The following PDZD11 variants were observed in gnomAD, a reference collection of about 807,000 sequenced individuals.
PDZD11 encodes PDZ domain containing 11, also known as PDZ domain-containing protein 11.
A neutral mutation model predicts 13.7 loss-of-function variants in PDZD11; 2 were observed. The observed-to-expected ratio is 0.15, with a 90% CI of 0.06 to 0.46. PDZD11 has a LOEUF of 0.46. Among genes scored for constraint, PDZD11 ranks in the 20% least tolerant of loss-of-function variants. PDZD11 has a pLI of 0.98. For synonymous variants in PDZD11, 32 were observed against 37.5 expected (o/e 0.85, Z 0.54); for missense variants, 44 against 111.7 (o/e 0.39, Z 2.73).
intron 2 of PDZD11, among the ~76,000 whole-genome samples, chrX:70,289,032 A>G (rs1483144225): frequency 1.8e-5 from 2 of 111,455 alleles, no homozygotes. Flanking sequence ...GAAGGCTCCA[A>G]ATTTCCAGAA....
chrX:70,289,535 T>C, intron 1 of PDZD11, 181 bp from the exon 2 acceptor site: 2 of 733,539 alleles, frequency 2.7e-6, no homozygotes, highest in Non-Finnish European at 3.8e-6. Context: ...GCTAAACATC[T>C]TCTGGATGCC....
rs1986380868 is a variant in PDZD11 at position 70,289,345 on chromosome X, G to A, written c.-4C>T. On this transcript the variant is annotated 5_prime_UTR_variant, in exon 2 of 7. Coordinates refer to ENST00000239666, the MANE Select transcript of PDZD11 (RefSeq NM_016484.5). ...CATAAGGAATCCGGCTGTCCATCTC[G>A]GGCAAGGCCCTGGAAGAGTGAATCA... 12 of 1,204,670 alleles carry A rather than the reference G, an allele frequency of 1.0e-5. No homozygotes were observed. Among genetic ancestry groups the A allele is most frequent in the Non-Finnish European group, 1.3e-5 (12 of 892,145 alleles).
intron 5 of PDZD11, 120 bp downstream of exon 5, chrX:70,287,612 C>T: frequency 7.1e-6 from 4 of 563,981 alleles, no homozygotes; most frequent in East Asian, 3.3e-5. Context: ...GGATTACAGG[C>T]GTGTACCACA....
rs746369798 is a variant in PDZD11, at chrX:70,289,421, C to G, written c.-13-67G>C. On this transcript the variant is annotated intron_variant, in intron 1 of 6. Coordinates refer to ENST00000239666, the MANE Select transcript of PDZD11 (RefSeq NM_016484.5). The stretch of plus-strand genomic sequence containing the variant: ...GGAGAGCAGCCCAGCAAGTTTCAGA[C>G]AGCAGCTCCAACCCATTCCAAGGCA... The G allele has an allele frequency of 3.6e-5, 42 of 1,165,666 alleles. 2 individuals are homozygous for G. Among genetic ancestry groups the G allele is most frequent in the Non-Finnish European group, 3.3e-5 (29 of 872,170 alleles).
intron 6 of PDZD11, 76 bp downstream of exon 6, chrX:70,287,200 G>A: frequency 8.8e-7 from 1 of 1,141,307 alleles, no homozygotes; most frequent in East Asian, 3.0e-5. Flanking sequence ...AACTTGTAGG[G>A]CCTCTAGTCA....
At position 70,287,723 on chromosome X, in the gene PDZD11, T is replaced by G; in HGVS notation, c.327+9A>C. Reference sequence around the variant, plus strand: ...TCTTGCAGCACCACAGCCCAAGTACTGTGCTCACCTTGCTGTGCTCAATAT... The same window carrying G: ...TCTTGCAGCACCACAGCCCAAGTACGGTGCTCACCTTGCTGTGCTCAATAT... On this transcript the variant is annotated intron_variant, in intron 5 of 6. Transcript: ENST00000239666. 2.5e-6 allele frequency: 3 copies of G among 1,186,268 alleles called. No individual in the cohort carries two copies. The highest frequency in any genetic ancestry group is 3.4e-6 in the Non-Finnish European group (3 of 872,314).
intron 2 of PDZD11, among the ~76,000 whole-genome samples, chrX:70,288,816 C>T (rs1421547223): frequency 2.7e-5 from 3 of 109,829 alleles, no homozygotes; most frequent in Admixed American, 9.7e-5. Flanking sequence ...GCAATTCTCC[C>T]GCCTCAGCCT....
chrX:70,287,955 G>T, intron 4 of PDZD11, 125 bp from the exon 5 acceptor site: 4 of 713,831 alleles, frequency 5.6e-6, no homozygotes, highest in Non-Finnish European at 8.7e-6. Context: ...CAGACAGATG[G>T]CCTGCCAAAT....
intron 3 of PDZD11, 110 bp downstream of exon 3, chrX:70,288,320 C>A: frequency 1.1e-6 from 1 of 884,955 alleles, no homozygotes; most frequent in Admixed American, 2.5e-5. Context: ...TTTCTGTCCA[C>A]AAGAAGGAAA....
Position 70,288,705 on chromosome X carries a change from C to CTT in PDZD11, c.88-194_88-193dup, listed in dbSNP as rs67327803. 5.1e-4 allele frequency among the ~76,000 whole-genome samples: 47 copies of CTT among 92,733 alleles called. 2 individuals are homozygous for CTT. The highest frequency in any genetic ancestry group is 1.7e-3 in the East Asian group (5 of 3,000). 80.5% of individuals were successfully genotyped at this position (92,733 alleles called of 115,157 possible). On this transcript the variant is annotated intron_variant, in intron 2 of 6. Coordinates refer to ENST00000239666, the MANE Select transcript of PDZD11 (RefSeq NM_016484.5). ...GCCCAGTAGCTCCCCATTTCTTCAC[C>CTT]TTTTTTTTTTTTTTTTGAGATGGAG... is the stretch of plus-strand genomic sequence containing the variant.
intron 5 of PDZD11, 144 bp from the exon 6 acceptor site, chrX:70,287,480 TTC>T (rs1053827476): frequency 5.7e-6 from 3 of 528,205 alleles, no homozygotes; most frequent in Admixed American, 3.1e-5. Flanking sequence ...GGTGCTTACT[TTC>T]TCTCTCTCTT....
At chrX:70,288,995 C>T (rs776832902) in intron 2 of PDZD11, among the ~76,000 whole-genome samples, 34 of 111,769 alleles carry the variant, frequency 3.0e-4, no homozygotes, top group African/African-American at 7.1e-4. Context: ...TGAGCCACCG[C>T]GCTGAACCTC....
At chrX:70,289,735 T>G (rs1412708837) in intron 1 of PDZD11, 125 bp downstream of exon 1, 1 of 166,938 alleles carries the variant, frequency 6.0e-6, no homozygotes, top group African/African-American at 3.1e-5. Context: ...TTCCTAGATG[T>G]GATTAGTAAT....
intron 1 of PDZD11, 190 bp from the exon 2 acceptor site, chrX:70,289,544 C>A: frequency 3.1e-6 from 2 of 640,817 alleles, no homozygotes; most frequent in Non-Finnish European, 4.5e-6. Context: ...CTTCTGGATG[C>A]CAAGCAACCT....
In PDZD11 at chrX:70,288,102, A is replaced by G. The variant is rs774679400; in HGVS notation, c.228+15T>C. On this transcript the variant is annotated intron_variant, in intron 4 of 6. Coordinates refer to ENST00000239666, the MANE Select transcript of PDZD11 (RefSeq NM_016484.5). ...AGGGAAGTAACGATCCATATTGCCT[A>G]CTGGGCATAAATACCTTGGAGATGA... is the stretch of plus-strand genomic sequence containing the variant. 3 of 1,180,573 alleles carry G rather than the reference A, an allele frequency of 2.5e-6. No homozygotes were observed. The Admixed American group carries it at 6.5e-5, about 26-fold the overall frequency.
intron 2 of PDZD11, 66 bp from the exon 3 acceptor site, chrX:70,288,579 C>G: frequency 1.2e-6 from 1 of 862,973 alleles, no homozygotes; most frequent in Non-Finnish European, 1.7e-6. Flanking sequence ...ATCTGAAACA[C>G]TAATGAATTA....
chrX:70,286,782 A>G lies in PDZD11; in HGVS notation c.*300T>C. 3.8e-6 allele frequency: 1 copy of G among 261,545 alleles called. No individual in the cohort carries two copies. The highest frequency in any genetic ancestry group is 2.8e-5 in the African/African-American group (1 of 36,190). 21.6% of individuals were successfully genotyped at this position (261,545 alleles called of 1,213,427 possible). A position where few individuals can be genotyped will look rare whatever the true frequency, so the allele number is the denominator to read the frequency against. ...TGCTACTGATTTCTATAATTAAAAT[A>G]TGACATATGTAAGGGACTAGTGCAT... On this transcript the variant is annotated 3_prime_UTR_variant, in exon 7 of 7. Transcript: ENST00000239666.
Position 70,287,163 on chromosome X carries a change from C to T in PDZD11, c.389-47G>A, listed in dbSNP as rs185999209. 7.9e-5 allele frequency: 92 copies of T among 1,166,118 alleles called. No individual in the cohort carries two copies. In the East Asian group the frequency reaches 2.3e-3, roughly 29 times the overall value. ...GGAGGAACAGAGCAGGTTATCTTCA[C>T]GCTTGAGCTCCTGATTCCCTATCCC... On this transcript the variant is annotated intron_variant, in intron 6 of 6. Transcript: ENST00000239666.
chrX:70,287,928 T>G (rs2085729820), intron 4 of PDZD11, 98 bp from the exon 5 acceptor site: 1 of 792,554 alleles, frequency 1.3e-6, no homozygotes, highest in Admixed American at 2.4e-5. Context: ...GCTATTGTTT[T>G]TCTGTGACAA....
Sources: allele counts gnomAD v4.1 joint callset (sites outside exome capture counted in the v4.1 genomes callset), GRCh38; gene constraint gnomAD v4.1.1; transcripts MANE v1.5; gene names NCBI Gene and HGNC (gene_info 2026-07-23, HGNC 2026-07-21).